The following AOX1 variants were observed in gnomAD, a reference collection of about 807,000 sequenced individuals.
AOX1 encodes the protein aldehyde oxidase.
A neutral mutation model predicts 169.5 loss-of-function variants in AOX1; 153 were observed. The observed-to-expected ratio is 0.90, with a 90% CI of 0.79 to 1.03. The LOEUF is 1.03. Ranked by LOEUF, AOX1 falls within the 50% of genes least tolerant of loss-of-function variation. The probability of loss-of-function intolerance (pLI) is 0.00; values close to 1 mark genes in which losing one functional copy is unlikely to be tolerated. For missense variants in AOX1, 1,656 were observed against 1,663.9 expected (o/e 1.00, Z 0.08); for synonymous variants, 562 against 581.9 (o/e 0.97, Z 0.49).
In AOX1 at chr2:200,659,203, C is replaced by A; in HGVS notation, c.3210C>A (p.Val1070=). The change falls in exon 28 of 35, where the codon GTC becomes GTA. Residue 1070 remains valine, a synonymous_variant. Transcript: ENST00000374700. ...AATTAAGAATGCCAATGTCGAATGT[C>A]CACCTGCGTGGAACAAGCACAGAAA... ...SRELRMPMSN[V]HLRGTSTETV... is the part of the protein sequence containing the mutation. 1 of 1,613,906 alleles carries A rather than the reference C, an allele frequency of 6.2e-7. No individual in the cohort carries two copies. The highest frequency in any genetic ancestry group is 8.5e-7 in the Non-Finnish European group (1 of 1,179,848).
intron 1 of AOX1, among the ~76,000 whole-genome samples, chr2:200,586,537 C>T (rs181364236): frequency 6.8e-4 from 103 of 152,342 alleles, no homozygotes; most frequent in African/African-American, 2.5e-3. Flanking sequence ...GGAACGTCCC[C>T]AGTACACTGA....
Position 200,671,246 on chromosome 2 carries a change from C to T in AOX1, c.*567C>T, listed in dbSNP as rs532241213. ...TATCAAGAAATTGAAAGGAAACCCA[C>T]AGAATAGGATAAAATATTTGTAAAT... On this transcript the variant is annotated 3_prime_UTR_variant, in exon 35 of 35. Transcript: ENST00000374700. 1.3e-5 allele frequency: 2 copies of T among 148,944 alleles called. No individual in the cohort carries two copies. Among genetic ancestry groups the T allele is most frequent in the African/African-American group, 4.9e-5 (2 of 40,864 alleles). The allele number at this position is 148,944 out of a possible 1,614,324, so 9.2% of individuals were successfully genotyped here.
chr2:200,620,378 TG>T (rs2034860189), intron 16 of AOX1, among the ~76,000 whole-genome samples: 1 of 130,028 alleles, frequency 7.7e-6, no homozygotes, highest in East Asian at 2.0e-4. Flanking sequence ...TGTTTTGTTT[TG>T]TTTTTTTTTA....
At chr2:200,588,725 G>GTTTTTTTTTTTTTTTTTTTTT (rs1247445142) in intron 1 of AOX1, among the ~76,000 whole-genome samples, 3 of 40,884 alleles carry the variant, frequency 7.3e-5, no homozygotes, top group Middle Eastern at 0.019. Flanking sequence ...ACTAGAATAA[G>GTTTTTTTTTTTTTTTTTTTTT]CTTTTTTTTT....
chr2:200,642,778 A>G lies in AOX1; in HGVS notation c.2824A>G (p.Lys942Glu). The G allele has an allele frequency of 6.2e-7, 1 of 1,613,798 alleles. No homozygotes were observed. The highest frequency in any genetic ancestry group is 1.7e-4 in the Middle Eastern group (1 of 6,058). ...ATCTTGTATCACGGAAGTTGCAGCC[A>G]AATGTGGACTATCCCCTGAGAAGGT... ...TESCITEVAA[K>E]CGLSPEKVRI... is the part of the protein sequence containing the mutation. The change falls in exon 25 of 35, where the codon AAA (lysine) becomes GAA (glutamate). Residue 942 changes from lysine to glutamate, a missense_variant. Physicochemically the swap from Lys to Glu is moderately conservative, Grantham distance 56 (BLOSUM62 1). Coordinates refer to ENST00000374700, the MANE Select transcript of AOX1 (RefSeq NM_001159.4).
chr2:200,669,849 A>G (rs1243808406), intron 34 of AOX1, 107 bp downstream of exon 34: 5 of 1,237,674 alleles, frequency 4.0e-6, no homozygotes, highest in Non-Finnish European at 5.6e-6. Flanking sequence ...TTTTCTTGCC[A>G]GAAAAGGTGA....
intron 21 of AOX1, among the ~76,000 whole-genome samples, chr2:200,636,117 C>CTT (rs765127387): frequency 0.021 from 1,139 of 53,960 alleles, 365 homozygotes; most frequent in Admixed American, 0.046. Context: ...GTGAGAAGTG[C>CTT]TTTTTTTTTT....
At position 200,642,543 on chromosome 2, in the gene AOX1, T is replaced by C; in HGVS notation, c.2656-67T>C. The stretch of plus-strand genomic sequence containing the variant: ...GCTGCCATTTTCGGCCTGGTTTTGG[T>C]CTGAGGTCGTAGGATGGTGAAACAG... On this transcript the variant is annotated intron_variant, in intron 24 of 34. Coordinates refer to ENST00000374700, the MANE Select transcript of AOX1 (RefSeq NM_001159.4). The C allele has an allele frequency of 2.1e-6, 3 of 1,456,248 alleles. No individual in the cohort carries two copies. The South Asian group carries it at 3.6e-5, about 18-fold the overall frequency. The allele number at this position is 1,456,248 out of a possible 1,614,324, so 90.2% of individuals were successfully genotyped here.
intron 23 of AOX1, among the ~76,000 whole-genome samples, chr2:200,640,780 T>G (rs543975591): frequency 3.0e-4 from 45 of 152,352 alleles, no homozygotes; most frequent in African/African-American, 7.2e-4. Context: ...TAATGTTTTC[T>G]GATGGAGAGT....
At chr2:200,628,689 G>A (rs2035052687) in intron 20 of AOX1, among the ~76,000 whole-genome samples, 1 of 152,136 alleles carries the variant, frequency 6.6e-6, no homozygotes, top group Non-Finnish European at 1.5e-5. Context: ...AGCACTTTGG[G>A]AGGCCGAGGT....
rs1201024705 is a variant in AOX1, at chr2:200,671,163, A to G, written c.*484A>G. 6.6e-6 allele frequency: 1 copy of G among 152,552 alleles called. No individual in the cohort carries two copies. Among genetic ancestry groups the G allele is most frequent in the Non-Finnish European group, 1.5e-5 (1 of 68,268 alleles). 9.4% of individuals were successfully genotyped at this position (152,552 alleles called of 1,614,324 possible). A position where few individuals can be genotyped will look rare whatever the true frequency, so the allele number is the denominator to read the frequency against. ...ACACTGTATCTAAGTGGGACCAAAG[A>G]AAAAATAGCGAACTTTCACCAAAGT... On this transcript the variant is annotated 3_prime_UTR_variant, in exon 35 of 35. Coordinates refer to ENST00000374700, the MANE Select transcript of AOX1 (RefSeq NM_001159.4).
chr2:200,586,284 G>C lies in AOX1; in HGVS notation c.45+131G>C, dbSNP rs894977882. The C allele has an allele frequency of 7.3e-6, 7 of 955,120 alleles. No individual in the cohort carries two copies. In the African/African-American group the frequency reaches 8.6e-5, roughly 12 times the overall value. The allele number at this position is 955,120 out of a possible 1,614,324, so 59.2% of individuals were successfully genotyped here. On this transcript the variant is annotated intron_variant, in intron 1 of 34. Coordinates refer to ENST00000374700, the MANE Select transcript of AOX1 (RefSeq NM_001159.4). ...CTCAGGCACGGACTGGCTTTCTCCCGTAACAGCGGCTTTGCCTTCGCATTC... is the reference window on the plus strand; with the variant it reads ...CTCAGGCACGGACTGGCTTTCTCCCCTAACAGCGGCTTTGCCTTCGCATTC...
Position 200,646,979 on chromosome 2 carries a change from G to A in AOX1, c.2848-3995G>A, listed in dbSNP as rs115578586. Among the ~76,000 whole-genome samples the A allele has an allele frequency of 2.1e-3, 320 of 152,232 alleles. 2 individuals are homozygous for A. Among genetic ancestry groups the A allele is most frequent in the African/African-American group, 7.4e-3 (306 of 41,556 alleles). ...TCCTTATGTGTTAGGTGAGTCTTCT[G>A]AAGGGAACAGATAGTTGGTTGGTGA... On this transcript the variant is annotated intron_variant, in intron 25 of 34. Transcript: ENST00000374700.
At chr2:200,609,515 T>A (rs74676375) in intron 12 of AOX1, 101 bp downstream of exon 12, 1 of 922,044 alleles carries the variant, frequency 1.1e-6, no homozygotes, top group African/African-American at 1.7e-5. Context: ...CTTTTCCCTA[T>A]AATATCAATA....
At position 200,609,373 on chromosome 2, in the gene AOX1, T is replaced by C; in HGVS notation, c.1112T>C (p.Ile371Thr). 1.9e-6 allele frequency: 3 copies of C among 1,614,100 alleles called. No individual in the cohort carries two copies. Among genetic ancestry groups the C allele is most frequent in the Non-Finnish European group, 2.5e-6 (3 of 1,179,978 alleles). ...SRHPDSDLNP[I>T]LAVGNCTLNL... ...CATCCAGATTCAGATCTGAATCCCA[T>C]CCTGGCTGTGGGTAACTGTACCCTC... Residue 371 changes from isoleucine to threonine, a missense_variant, in exon 12 of 35, where the codon ATC (isoleucine) becomes ACC (threonine). By Grantham distance (89) the Ile-to-Thr change is moderately conservative (BLOSUM62 -1). Transcript: ENST00000374700.
intron 20 of AOX1, among the ~76,000 whole-genome samples, chr2:200,631,932 A>G (rs1251745466): frequency 6.6e-6 from 1 of 152,154 alleles, no homozygotes; most frequent in Non-Finnish European, 1.5e-5. Flanking sequence ...ATGTTTATAT[A>G]TTATAAGTGA....
At chr2:200,669,465 G>T in intron 33 of AOX1, 110 bp from the exon 34 acceptor site, 12 of 1,141,514 alleles carry the variant, frequency 1.1e-5, no homozygotes, top group Middle Eastern at 2.1e-4. Flanking sequence ...AAAAAAAAAT[G>T]TACATATGTA....
chr2:200,622,656 C>G (rs2034910287), intron 18 of AOX1, among the ~76,000 whole-genome samples: 1 of 152,178 alleles, frequency 6.6e-6, no homozygotes. Context: ...ATCTTGGCTG[C>G]ATGATAGTAC....
intron 32 of AOX1, among the ~76,000 whole-genome samples, chr2:200,668,017 G>A (rs2035953416): frequency 6.6e-6 from 1 of 152,052 alleles, no homozygotes; most frequent in Admixed American, 6.5e-5. Context: ...GACTCTTCCT[G>A]AGCACTCATT....
Sources: allele counts gnomAD v4.1 joint callset (sites outside exome capture counted in the v4.1 genomes callset), GRCh38; gene constraint gnomAD v4.1.1; transcripts MANE v1.5; gene names NCBI Gene and HGNC (gene_info 2026-07-23, HGNC 2026-07-21).